PARD3: variants seen among roughly 807,000 people sequenced by gnomAD.
PARD3 encodes par-3 family cell polarity regulator.
PARD3 carries 75 observed loss-of-function variants against 155.4 expected under a neutral mutation model. The ratio of observed to expected loss-of-function variants is 0.48; its 90% CI spans 0.40 to 0.58. The LOEUF (loss-of-function observed/expected upper bound fraction) is 0.58, where lower values mean the gene tolerates loss of function less well. Ranked by LOEUF, PARD3 falls within the 20% of genes least tolerant of loss-of-function variation. PARD3 has a pLI of 0.00. For missense variants in PARD3, 1,642 were observed against 1,721.7 expected, an observed-to-expected ratio of 0.95 and a Z score of 0.82; for synonymous variants, 576 against 610.5, an observed-to-expected ratio of 0.94 and a Z score of 0.83.
chr10:34,117,342 G>C (rs1329483947), intron 24 of PARD3, among the ~76,000 whole-genome samples: 4 of 152,160 alleles, frequency 2.6e-5, no homozygotes, highest in South Asian at 4.2e-4. Flanking sequence ...TGGCCCACCC[G>C]TGTGGTCGTG....
At chr10:34,532,411 G>A (rs959608480) in intron 2 of PARD3, among the ~76,000 whole-genome samples, 11 of 152,096 alleles carry the variant, frequency 7.2e-5, no homozygotes, top group Non-Finnish European at 1.5e-4. Context: ...TATTATTTCT[G>A]AGTAGACAAC....
chr10:34,520,333 T>C (rs534088351), intron 2 of PARD3, among the ~76,000 whole-genome samples: 1 of 152,276 alleles, frequency 6.6e-6, no homozygotes, highest in African/African-American at 2.4e-5. Context: ...GTTCATACCA[T>C]ACCACGGTAA....
chr10:34,258,805 T>C (rs1308422872), intron 22 of PARD3, among the ~76,000 whole-genome samples: 57 of 152,058 alleles, frequency 3.7e-4, no homozygotes, highest in Non-Finnish European at 2.9e-5. Context: ...ATCTACAATC[T>C]CAGTGCTTCG....
intron 22 of PARD3, among the ~76,000 whole-genome samples, chr10:34,198,453 G>GGTGTGT (rs59976562): frequency 0.025 from 3,733 of 146,980 alleles, 75 homozygotes; most frequent in Non-Finnish European, 0.034. Context: ...ATCACTAATT[G>GGTGTGT]GTGTGTGTGT....
At chr10:34,271,325 A>G (rs1955601265) in intron 21 of PARD3, among the ~76,000 whole-genome samples, 2 of 152,160 alleles carry the variant, frequency 1.3e-5, no homozygotes, top group Admixed American at 1.3e-4. Context: ...AGTAAATGAA[A>G]TTCAGCAATA....
intron 22 of PARD3, among the ~76,000 whole-genome samples, chr10:34,223,801 C>A (rs545546491): frequency 6.6e-6 from 1 of 152,300 alleles, no homozygotes; most frequent in Non-Finnish European, 1.5e-5. Context: ...TTTGTAACAT[C>A]TCTGTGAGAC....
intron 1 of PARD3, among the ~76,000 whole-genome samples, chr10:34,727,447 G>A (rs1332169059): frequency 6.6e-6 from 1 of 152,198 alleles, no homozygotes; most frequent in Non-Finnish European, 1.5e-5. Context: ...AGGACCCAAA[G>A]TACATCAGTC....
intron 5 of PARD3, among the ~76,000 whole-genome samples, chr10:34,437,652 C>A (rs941721680): frequency 1.3e-5 from 2 of 151,846 alleles, no homozygotes; most frequent in Non-Finnish European, 2.9e-5. Context: ...ATGAAAAACC[C>A]CTGGACTCTC....
intron 4 of PARD3, among the ~76,000 whole-genome samples, chr10:34,467,945 G>A (rs1162479192): frequency 1.3e-5 from 2 of 152,132 alleles, no homozygotes; most frequent in African/African-American, 2.4e-5. Context: ...CTCAGATTCA[G>A]TAGCATGAGA....
chr10:34,403,001 A>G (rs531853978), intron 5 of PARD3, among the ~76,000 whole-genome samples: 1 of 152,208 alleles, frequency 6.6e-6, no homozygotes, highest in Non-Finnish European at 1.5e-5. Flanking sequence ...TGGACTTATT[A>G]GCCAGATTAG....
At chr10:34,197,678 C>A (rs540066501) in intron 22 of PARD3, among the ~76,000 whole-genome samples, 1 of 152,294 alleles carries the variant, frequency 6.6e-6, no homozygotes, top group Admixed American at 6.5e-5. Flanking sequence ...CGTTTGAATT[C>A]TCCACTATAT....
At chr10:34,799,231 G>A (rs1350131761) in intron 1 of PARD3, among the ~76,000 whole-genome samples, 1 of 152,076 alleles carries the variant, frequency 6.6e-6, no homozygotes, top group African/African-American at 2.4e-5. Context: ...TAGTAGAGAT[G>A]GGGTTTCACC....
At chr10:34,472,215 G>T (rs1309651737) in intron 3 of PARD3, among the ~76,000 whole-genome samples, 3 of 152,168 alleles carry the variant, frequency 2.0e-5, no homozygotes, top group African/African-American at 7.2e-5. Flanking sequence ...ATCTTAATGT[G>T]CTGAGAGAAA....
At chr10:34,715,770 G>C (rs1413131583) in intron 1 of PARD3, among the ~76,000 whole-genome samples, 2 of 152,192 alleles carry the variant, frequency 1.3e-5, no homozygotes, top group Non-Finnish European at 2.9e-5. Flanking sequence ...ACAAGATGCA[G>C]GGTCATCGCA....
intron 20 of PARD3, among the ~76,000 whole-genome samples, chr10:34,306,171 C>A (rs1270201836): frequency 6.6e-6 from 1 of 150,626 alleles, no homozygotes; most frequent in Non-Finnish European, 1.5e-5. Context: ...GTAATCGCAG[C>A]TACTTGGGAG....
At chr10:34,527,666 C>T (rs2133764724) in intron 2 of PARD3, among the ~76,000 whole-genome samples, 1 of 152,248 alleles carries the variant, frequency 6.6e-6, no homozygotes, top group East Asian at 1.9e-4. Flanking sequence ...ACAATGAAAA[C>T]CTCAAATTCA....
At chr10:34,336,576 A>ATGG (rs1308635994) in intron 17 of PARD3, among the ~76,000 whole-genome samples, 1 of 152,146 alleles carries the variant, frequency 6.6e-6, no homozygotes, top group Non-Finnish European at 1.5e-5. Context: ...AGAGAACAGC[A>ATGG]TAAGTTACAG....
At chr10:34,609,177 C>T (rs934078136) in intron 2 of PARD3, among the ~76,000 whole-genome samples, 4 of 152,170 alleles carry the variant, frequency 2.6e-5, no homozygotes, top group African/African-American at 9.7e-5. Context: ...TTAAAACTAA[C>T]AATTCTATTT....
Position 34,304,580 on chromosome 10 carries a change from G to A in PARD3, c.3065+12527C>T, listed in dbSNP as rs567982753. 7.2e-5 allele frequency among the ~76,000 whole-genome samples: 11 copies of A among 152,260 alleles called. No individual in the cohort carries two copies. The South Asian group carries it at 8.3e-4, about 12-fold the overall frequency. On this transcript the variant is annotated intron_variant, in intron 20 of 24. Transcript: ENST00000374788. ...CAAAACCTACCCGGAAGGGTAAGACGGCTCAGATGGTGCAGGAGAGTGTTA... is the reference window on the plus strand; with the variant it reads ...CAAAACCTACCCGGAAGGGTAAGACAGCTCAGATGGTGCAGGAGAGTGTTA...
Sources: gnomAD v4.1 joint callset for allele counts (sites outside exome capture counted in the v4.1 genomes callset) on GRCh38, gnomAD v4.1.1 for gene constraint, MANE v1.5 for transcripts, NCBI Gene and HGNC (gene_info 2026-07-23, HGNC 2026-07-21) for gene names.